SCG5: variants seen among roughly 807,000 people sequenced by gnomAD.
The protein encoded by SCG5 is secretogranin V.
In SCG5, 18 loss-of-function variants were observed where a neutral mutation model predicts 25.7. That is an observed-to-expected ratio of 0.70 (90% CI 0.48 to 1.04). The LOEUF is 1.04. Ranked by LOEUF, SCG5 falls within the 50% of genes least tolerant of loss-of-function variation. SCG5 has a pLI of 0.00. For missense variants in SCG5, 206 were observed against 259.8 expected, an observed-to-expected ratio of 0.79 and a Z score of 1.42; for synonymous variants, 101 against 91.7, an observed-to-expected ratio of 1.10 and a Z score of -0.58.
At chr15:32,651,362 G>C (rs779636778) in intron 2 of SCG5, among the ~76,000 whole-genome samples, 1 of 152,216 alleles carries the variant, frequency 6.6e-6, no homozygotes, top group Non-Finnish European at 1.5e-5. Flanking sequence ...GATCCTAGGA[G>C]CCTCTACTCT....
intron 2 of SCG5, among the ~76,000 whole-genome samples, chr15:32,651,384 G>A (rs762529954): frequency 6.6e-6 from 1 of 152,206 alleles, no homozygotes; most frequent in Non-Finnish European, 1.5e-5. Context: ...CCAAGCTTTG[G>A]CCTTGGTAAA....
At chr15:32,659,353 G>C (rs990950589) in intron 2 of SCG5, among the ~76,000 whole-genome samples, 1 of 152,182 alleles carries the variant, frequency 6.6e-6, no homozygotes, top group African/African-American at 2.4e-5. Flanking sequence ...TAAGCTCCCA[G>C]AGTGTCAGAC....
At chr15:32,659,211 CAGAG>C (rs146234879) in intron 2 of SCG5, among the ~76,000 whole-genome samples, 18,085 of 152,060 alleles carry the variant, frequency 0.12, 1,423 homozygotes, top group Non-Finnish European at 0.17. Flanking sequence ...AAAAAACTGT[CAGAG>C]AGATAATAGG....
chr15:32,645,267 T>C (rs2053924013), intron 2 of SCG5, among the ~76,000 whole-genome samples: 1 of 152,230 alleles, frequency 6.6e-6, no homozygotes, highest in Non-Finnish European at 1.5e-5. Context: ...TGGAGTTCTC[T>C]GAGTTTCCAC....
At chr15:32,690,071 G>T (rs539812201) in intron 4 of SCG5, among the ~76,000 whole-genome samples, 1 of 152,236 alleles carries the variant, frequency 6.6e-6, no homozygotes, top group South Asian at 2.1e-4. Flanking sequence ...TCGATCTCCT[G>T]ACCTCGTGAT....
At chr15:32,649,787 GA>G (rs944081475) in intron 2 of SCG5, among the ~76,000 whole-genome samples, 3 of 151,700 alleles carry the variant, frequency 2.0e-5, no homozygotes, top group Admixed American at 6.6e-5. Flanking sequence ...GGCATTACAT[GA>G]AAAAAAAGAG....
chr15:32,676,503 A>G (rs938870161), intron 2 of SCG5, among the ~76,000 whole-genome samples: 13 of 152,234 alleles, frequency 8.5e-5, no homozygotes, highest in Non-Finnish European at 1.6e-4. Context: ...AGCCTGCCCT[A>G]TAGCAAGCAC....
Position 32,679,860 on chromosome 15 carries a change from T to G in SCG5, c.321T>G (p.Phe107Leu). 6.2e-7 allele frequency: 1 copy of G among 1,613,948 alleles called. No individual in the cohort carries two copies. The highest frequency in any genetic ancestry group is 8.5e-7 in the Non-Finnish European group (1 of 1,179,868). The change falls in exon 3 of 6, where the codon TTT becomes TTG. Residue 107 changes from phenylalanine (F) to leucine (L), a missense_variant. Physicochemically the swap from Phe to Leu is conservative, Grantham distance 22. Coordinates refer to ENST00000300175, the MANE Select transcript of SCG5 (RefSeq NM_001144757.3). ...CTGGAGACAACATTCCTAAGGACTT[T>G]AGTGAGGATCAGGGGTACCCAGACC... ...ELTGDNIPKD[F>L]SEDQGYPDPP... is the part of the protein sequence containing the mutation.
chr15:32,662,169 A>G (rs2054230984), intron 2 of SCG5, among the ~76,000 whole-genome samples: 1 of 152,232 alleles, frequency 6.6e-6, no homozygotes. Flanking sequence ...ATTTGTGCAT[A>G]AACGTTTGTG....
intron 2 of SCG5, among the ~76,000 whole-genome samples, chr15:32,669,527 GT>G (rs1413303898): frequency 6.6e-6 from 1 of 152,112 alleles, no homozygotes; most frequent in East Asian, 1.9e-4. Context: ...ATAAAATAAA[GT>G]TTTTAAAGGA....
intron 2 of SCG5, among the ~76,000 whole-genome samples, chr15:32,671,615 A>G (rs916575233): frequency 6.6e-6 from 1 of 152,082 alleles, no homozygotes; most frequent in African/African-American, 2.4e-5. Flanking sequence ...CGCAGATTGT[A>G]TAGAAGCTGA....
chr15:32,684,518 T>C, intron 3 of SCG5, 39 bp from the exon 4 acceptor site: 1 of 1,240,710 alleles, frequency 8.1e-7, no homozygotes, highest in Non-Finnish European at 1.2e-6. Flanking sequence ...TAATGATGAA[T>C]GTCTTGGCCG....
chr15:32,675,936 TA>T (rs1434050285), intron 2 of SCG5, among the ~76,000 whole-genome samples: 2 of 152,234 alleles, frequency 1.3e-5, no homozygotes, highest in African/African-American at 4.8e-5. Flanking sequence ...GTAAGATAGT[TA>T]AGGAGGCTGG....
At chr15:32,673,310 A>G (rs1237607124) in intron 2 of SCG5, among the ~76,000 whole-genome samples, 1 of 152,208 alleles carries the variant, frequency 6.6e-6, no homozygotes, top group Non-Finnish European at 1.5e-5. Flanking sequence ...CACAAATTCC[A>G]TAAAGCAAGA....
intron 3 of SCG5, among the ~76,000 whole-genome samples, chr15:32,683,176 G>T (rs920729028): frequency 2.0e-5 from 3 of 152,200 alleles, no homozygotes; most frequent in African/African-American, 7.2e-5. Flanking sequence ...GCTGTATACT[G>T]CTAAGAGCTG....
chr15:32,675,288 A>G (rs570884812), intron 2 of SCG5, among the ~76,000 whole-genome samples: 2 of 152,324 alleles, frequency 1.3e-5, no homozygotes, highest in East Asian at 1.9e-4. Flanking sequence ...TTCTCAAATC[A>G]GATTTTGAAA....
intron 2 of SCG5, among the ~76,000 whole-genome samples, chr15:32,674,617 T>C (rs180933675): frequency 9.2e-5 from 14 of 152,242 alleles, no homozygotes; most frequent in African/African-American, 3.4e-4. Context: ...CAAGCGATCA[T>C]TGGAGTTGTT....
rs758984093 is a variant in SCG5, at chr15:32,664,703, AT to A, written c.227-15062del. 1.4e-3 allele frequency among the ~76,000 whole-genome samples: 217 copies of A among 152,314 alleles called. 1 individual carries two copies. The highest frequency in any genetic ancestry group is 1.7e-3 in the Non-Finnish European group (118 of 68,028). Reference sequence around the variant, plus strand: ...AGCAGTAATAAAGAGATCCCTACTCATGTTTGTGCTGCTAGGTTCTTCTGTT... The same window carrying A: ...AGCAGTAATAAAGAGATCCCTACTCAGTTTGTGCTGCTAGGTTCTTCTGTT... On this transcript the variant is annotated intron_variant, in intron 2 of 5. Coordinates refer to ENST00000300175, the MANE Select transcript of SCG5 (RefSeq NM_001144757.3).
At chr15:32,642,887 C>G (rs12595007) in intron 1 of SCG5, among the ~76,000 whole-genome samples, 19,862 of 152,136 alleles carry the variant, frequency 0.13, 1,454 homozygotes, top group Middle Eastern at 0.18. Context: ...TTTGCACACA[C>G]CCTCACAACA....
Sources: allele counts gnomAD v4.1 joint callset (sites outside exome capture counted in the v4.1 genomes callset), GRCh38; gene constraint gnomAD v4.1.1; transcripts MANE v1.5; gene names NCBI Gene and HGNC (gene_info 2026-07-23, HGNC 2026-07-21).